The following UBQLN1 variants were observed in gnomAD, a reference collection of about 807,000 sequenced individuals.
UBQLN1 encodes ubiquilin-1.
In UBQLN1, 13 loss-of-function variants were observed where a neutral mutation model predicts 65.4. That is an observed-to-expected ratio of 0.20 (90% CI 0.13 to 0.32). UBQLN1 has a LOEUF of 0.32. UBQLN1 is among the 10% of genes least tolerant of loss of function. The pLI is 1.00. For missense variants in UBQLN1, 561 were observed against 724.0 expected (o/e 0.77, Z 2.58); for synonymous variants, 267 against 247.8 (o/e 1.08, Z -0.73).
intron 9 of UBQLN1, among the ~76,000 whole-genome samples, chr9:83,664,496 T>C (rs1057387150): frequency 1.2e-4 from 18 of 152,206 alleles, no homozygotes; most frequent in African/African-American, 4.1e-4. Flanking sequence ...CCAGGCACTG[T>C]GTCCCAACTA....
At chr9:83,704,744 T>G (rs955067111) in intron 1 of UBQLN1, among the ~76,000 whole-genome samples, 1 of 142,968 alleles carries the variant, frequency 7.0e-6, no homozygotes, top group East Asian at 2.2e-4. Context: ...GGAGAATCCT[T>G]GAACCCGGGA....
chr9:83,699,083 C>T (rs928788443), intron 1 of UBQLN1, among the ~76,000 whole-genome samples: 2 of 152,010 alleles, frequency 1.3e-5, no homozygotes, highest in Non-Finnish European at 2.9e-5. Flanking sequence ...ATGGTGGTTG[C>T]TAGAGGTGGG....
At chr9:83,666,614 A>T in intron 7 of UBQLN1, 181 bp from the exon 8 acceptor site, 1 of 516,844 alleles carries the variant, frequency 1.9e-6, no homozygotes, top group Non-Finnish European at 3.4e-6. Context: ...GAAGAACAAA[A>T]ACAAAAAAAT....
intron 8 of UBQLN1, among the ~76,000 whole-genome samples, chr9:83,666,026 A>T (rs1251802282): frequency 6.6e-6 from 1 of 152,264 alleles, no homozygotes; most frequent in Non-Finnish European, 1.5e-5. Flanking sequence ...CATAAAGCGT[A>T]ACATGACACA....
At chr9:83,697,551 CA>C (rs750268209) in intron 1 of UBQLN1, among the ~76,000 whole-genome samples, 713 of 34,444 alleles carry the variant, frequency 0.021, no homozygotes, top group Middle Eastern at 0.087. Context: ...GACACTGTCT[CA>C]AAAAAAAAAA....
chr9:83,667,993 T>A, intron 7 of UBQLN1: 1 of 985,436 alleles, frequency 1.0e-6, no homozygotes, highest in Non-Finnish European at 1.2e-6. Flanking sequence ...GCTACGCATG[T>A]GCTTGTTAAA....
At chr9:83,680,172 G>C (rs547956395) in intron 3 of UBQLN1, 135 bp from the exon 4 acceptor site, 3 of 969,128 alleles carry the variant, frequency 3.1e-6, no homozygotes, top group Non-Finnish European at 4.4e-6. Context: ...AAAACAAATC[G>C]AATACCTATT....
At chr9:83,685,764 T>C (rs1192357164) in intron 2 of UBQLN1, among the ~76,000 whole-genome samples, 1 of 152,208 alleles carries the variant, frequency 6.6e-6, no homozygotes, top group Non-Finnish European at 1.5e-5. Context: ...ATGCAAATAA[T>C]TTAGGTATAA....
intron 6 of UBQLN1, among the ~76,000 whole-genome samples, chr9:83,672,198 C>G (rs756587245): frequency 1.3e-5 from 2 of 152,210 alleles, no homozygotes; most frequent in Non-Finnish European, 2.9e-5. Context: ...CTATCCAGAT[C>G]ACTACAATTT....
At chr9:83,693,084 A>C (rs1465679264) in intron 1 of UBQLN1, among the ~76,000 whole-genome samples, 3 of 152,348 alleles carry the variant, frequency 2.0e-5, no homozygotes, top group Non-Finnish European at 4.4e-5. Context: ...TTGCACTGAT[A>C]ACCTACAATA....
chr9:83,699,420 TAACC>T (rs1832274891), intron 1 of UBQLN1, among the ~76,000 whole-genome samples: 1 of 152,212 alleles, frequency 6.6e-6, no homozygotes, highest in South Asian at 2.1e-4. Context: ...TAGCTCAGTG[TAACC>T]TCCAAACTCC....
At chr9:83,677,055 A>T (rs1351914953) in intron 6 of UBQLN1, among the ~76,000 whole-genome samples, 2 of 152,228 alleles carry the variant, frequency 1.3e-5, no homozygotes, top group Admixed American at 6.5e-5. Flanking sequence ...TCTGAGGGTA[A>T]GATCTGGGAA....
At chr9:83,669,851 A>G (rs1419374423) in intron 6 of UBQLN1, among the ~76,000 whole-genome samples, 2 of 152,204 alleles carry the variant, frequency 1.3e-5, no homozygotes, top group Non-Finnish European at 2.9e-5. Flanking sequence ...TTGAAACCAT[A>G]GAGCACAGTG....
chr9:83,664,459 A>G (rs922780935), intron 9 of UBQLN1, among the ~76,000 whole-genome samples: 6 of 152,128 alleles, frequency 3.9e-5, no homozygotes, highest in African/African-American at 1.4e-4. Context: ...TTTAACTTTG[A>G]AAACCCTGAC....
At chr9:83,662,209 T>C (rs2131137793) in intron 10 of UBQLN1, among the ~76,000 whole-genome samples, 1 of 151,690 alleles carries the variant, frequency 6.6e-6, no homozygotes, top group East Asian at 1.9e-4. Context: ...ACATCAACCA[T>C]TATTTTAGAG....
chr9:83,697,634 C>G (rs1048770771), intron 1 of UBQLN1, among the ~76,000 whole-genome samples: 1 of 149,986 alleles, frequency 6.7e-6, no homozygotes, highest in Non-Finnish European at 1.5e-5. Context: ...CAGCTCACTG[C>G]AACCTCTGCC....
chr9:83,696,417 C>G (rs553497663), intron 1 of UBQLN1, among the ~76,000 whole-genome samples: 7 of 152,112 alleles, frequency 4.6e-5, no homozygotes, highest in African/African-American at 1.7e-4. Flanking sequence ...ACCAGCCTGT[C>G]TGGGCAACAT....
At position 83,678,509 on chromosome 9, in the gene UBQLN1, C is replaced by T. The variant is rs1299675221; in HGVS notation, c.802G>A (p.Gly268Arg). Residue 268 changes from glycine (G) to arginine (R), a missense_variant, in exon 5 of 11, where the codon GGA becomes AGA. Transcript: ENST00000376395. The stretch of plus-strand genomic sequence containing the variant: ...TACATGCGCCTTAAAGCATTATATC[C>T]CCCTGGGATGCTTTCTAGGTTGCTC... ...ALSNLESIPG[G>R]YNALRRMYTD... 1 of 1,613,774 alleles carries T rather than the reference C, an allele frequency of 6.2e-7. No homozygotes were observed.
intron 7 of UBQLN1, chr9:83,668,733 A>C (rs10512137): frequency 0.23 from 164,549 of 703,026 alleles, 21,787 homozygotes; most frequent in East Asian, 0.8. Context: ...TTGTTCTGAC[A>C]AATTCCCGTC....
Sources: gnomAD v4.1 joint callset for allele counts (sites outside exome capture counted in the v4.1 genomes callset) on GRCh38, gnomAD v4.1.1 for gene constraint, MANE v1.5 for transcripts, NCBI Gene and HGNC (gene_info 2026-07-23, HGNC 2026-07-21) for gene names.